XYLT1: variants seen among roughly 807,000 people sequenced by gnomAD.
The protein encoded by XYLT1 is xylosyltransferase 1, also known as beta-D-xylosyltransferase 1.
A neutral mutation model predicts 91.3 loss-of-function variants in XYLT1; 36 were observed. The observed-to-expected ratio is 0.39, with a 90% CI of 0.30 to 0.52. XYLT1 has a LOEUF of 0.52. Among genes scored for constraint, XYLT1 ranks in the 20% least tolerant of loss-of-function variants. XYLT1 has a pLI of 0.68. For synonymous variants in XYLT1, 588 were observed against 532.0 expected, an observed-to-expected ratio of 1.11 and a Z score of -1.45; for missense variants, 1,242 against 1,284.5, an observed-to-expected ratio of 0.97 and a Z score of 0.51.
chr16:17,266,219 C>T (rs2033800974), intron 2 of XYLT1, among the ~76,000 whole-genome samples: 1 of 152,144 alleles, frequency 6.6e-6, no homozygotes, highest in Admixed American at 6.5e-5. Flanking sequence ...TGGGGTTCTT[C>T]AAGCTGGGAC....
At chr16:17,147,461 G>A (rs749547814) in intron 6 of XYLT1, among the ~76,000 whole-genome samples, 4 of 152,188 alleles carry the variant, frequency 2.6e-5, no homozygotes, top group Non-Finnish European at 5.9e-5. Flanking sequence ...CAATTTTAAT[G>A]TGATGTCCCG....
intron 2 of XYLT1, among the ~76,000 whole-genome samples, chr16:17,343,197 G>A (rs991158045): frequency 4.6e-5 from 7 of 152,320 alleles, no homozygotes; most frequent in African/African-American, 1.7e-4. Context: ...GTCAGCCCCT[G>A]AAGCCACAGA....
intron 2 of XYLT1, among the ~76,000 whole-genome samples, chr16:17,337,830 G>C (rs1170156781): frequency 7.1e-6 from 1 of 140,692 alleles, no homozygotes; most frequent in Non-Finnish European, 1.5e-5. Flanking sequence ...ACCCAGGCTG[G>C]AGCGCAGTGA....
intron 6 of XYLT1, among the ~76,000 whole-genome samples, chr16:17,143,081 T>C (rs1025707656): frequency 4.6e-5 from 7 of 152,304 alleles, no homozygotes; most frequent in Admixed American, 4.6e-4. Context: ...TCCTATTTTG[T>C]AGATGCAGAA....
intron 1 of XYLT1, among the ~76,000 whole-genome samples, chr16:17,381,829 T>C (rs7195849): frequency 0.54 from 81,944 of 151,976 alleles, 24,150 homozygotes; most frequent in African/African-American, 0.77. Context: ...CAAGGAAACA[T>C]TACAGAAGGA....
At chr16:17,347,291 T>C (rs2035157230) in intron 2 of XYLT1, among the ~76,000 whole-genome samples, 1 of 152,154 alleles carries the variant, frequency 6.6e-6, no homozygotes, top group South Asian at 2.1e-4. Context: ...CGGAAGGAGC[T>C]GAAGGCCTGT....
chr16:17,134,816 G>A lies in XYLT1; in HGVS notation c.1765-81C>T, dbSNP rs2030649592. The A allele has an allele frequency of 1.1e-5, 17 of 1,541,060 alleles. 1 individual carries two copies. The South Asian group carries it at 2.1e-4, about 19-fold the overall frequency. On this transcript the variant is annotated intron_variant, in intron 8 of 11. Coordinates refer to ENST00000261381, the MANE Select transcript of XYLT1 (RefSeq NM_022166.4). Reference sequence around the variant, plus strand: ...GGGGAACCTAAGGGCATATCCTGTGGTTAGAAGCAAAGCTCTGCTGGACCC... The same window carrying A: ...GGGGAACCTAAGGGCATATCCTGTGATTAGAAGCAAAGCTCTGCTGGACCC...
chr16:17,158,754 A>G, intron 6 of XYLT1, 75 bp downstream of exon 6: 2 of 1,528,262 alleles, frequency 1.3e-6, no homozygotes, highest in Non-Finnish European at 1.8e-6. Flanking sequence ...GCATGAAACC[A>G]GCCTAGAAAA....
intron 6 of XYLT1, among the ~76,000 whole-genome samples, chr16:17,146,888 A>T (rs566323759): frequency 7.9e-4 from 121 of 152,342 alleles, no homozygotes; most frequent in South Asian, 5.2e-3. Context: ...CAGCTGTCCT[A>T]TGTCACGGGT....
chr16:17,305,357 G>T (rs2034454784), intron 2 of XYLT1, among the ~76,000 whole-genome samples: 1 of 151,914 alleles, frequency 6.6e-6, no homozygotes, highest in Non-Finnish European at 1.5e-5. Context: ...TTGTGTGTAT[G>T]TGTGTGCAGC....
At chr16:17,465,936 T>A (rs2036890861) in intron 1 of XYLT1, among the ~76,000 whole-genome samples, 1 of 152,136 alleles carries the variant, frequency 6.6e-6, no homozygotes, top group Admixed American at 6.5e-5. Flanking sequence ...TGCCCAAGAT[T>A]AGGGGCATGA....
intron 2 of XYLT1, among the ~76,000 whole-genome samples, chr16:17,267,468 T>C (rs1402703255): frequency 6.6e-6 from 1 of 152,236 alleles, no homozygotes; most frequent in African/African-American, 2.4e-5. Flanking sequence ...AGTGCAGTGG[T>C]GCGATCACGC....
Position 17,108,267 on chromosome 16 carries a change from A to C in XYLT1, c.*428T>G. On this transcript the variant is annotated 3_prime_UTR_variant, in exon 12 of 12. Transcript: ENST00000261381. ...CCAGAGGGCTGAGCTTTGGGAGGGA[A>C]CCTCGCACTTGTCAGCTTCAACCAG... The C allele has an allele frequency of 6.3e-6, 1 of 158,136 alleles. No individual in the cohort carries two copies. Among genetic ancestry groups the C allele is most frequent in the Non-Finnish European group, 1.4e-5 (1 of 71,944 alleles). 9.8% of individuals were successfully genotyped at this position (158,136 alleles called of 1,614,324 possible).
intron 3 of XYLT1, among the ~76,000 whole-genome samples, chr16:17,233,812 A>C (rs991105862): frequency 7.2e-5 from 11 of 152,162 alleles, no homozygotes; most frequent in Non-Finnish European, 1.5e-4. Context: ...AGGCATTGAC[A>C]TCCTGCCTGG....
In XYLT1 at chr16:17,141,329, A is replaced by T; in HGVS notation, c.1411T>A (p.Cys471Ser). The T allele has an allele frequency of 6.2e-7, 1 of 1,614,008 alleles. No individual in the cohort carries two copies. Among genetic ancestry groups the T allele is most frequent in the Non-Finnish European group, 8.5e-7 (1 of 1,180,020 alleles). ...CCCAGGCGCCACATGTGAGCGTCGC[A>T]CTCCAGGAAGAGCCGATCCAGGCCC... ...KQGLDRLFLE[C>S]DAHMWRLGDR... Residue 471 changes from cysteine (C) to serine (S), a missense_variant, in exon 7 of 12, where the codon TGC becomes AGC. Around this residue, in one of 3 missense-constraint regions of XYLT1, gnomAD observed 294 missense variants for 376.0 expected, o/e 0.78. Transcript: ENST00000261381.
intron 1 of XYLT1, among the ~76,000 whole-genome samples, chr16:17,380,999 G>T (rs1172989695): frequency 6.6e-6 from 1 of 152,198 alleles, no homozygotes; most frequent in African/African-American, 2.4e-5. Flanking sequence ...CAGGGGCTGG[G>T]GGTGAGAGTG....
At chr16:17,432,081 TA>T (rs766077166) in intron 1 of XYLT1, among the ~76,000 whole-genome samples, 90 of 148,816 alleles carry the variant, frequency 6.0e-4, no homozygotes, top group African/African-American at 1.7e-3. Context: ...TATAAGAAGA[TA>T]AAAAAAAAAT....
At chr16:17,174,134 C>CA (rs1184761709) in intron 5 of XYLT1, among the ~76,000 whole-genome samples, 2 of 151,518 alleles carry the variant, frequency 1.3e-5, no homozygotes, top group Non-Finnish European at 2.9e-5. Flanking sequence ...AGAGGGTGGC[C>CA]AAAAAAATAA....
At chr16:17,422,259 T>A (rs12932891) in intron 1 of XYLT1, among the ~76,000 whole-genome samples, 15,985 of 151,348 alleles carry the variant, frequency 0.11, 968 homozygotes, top group Non-Finnish European at 0.15. Flanking sequence ...TGCAGTAACA[T>A]GATCATAGAT....
Sources: allele counts gnomAD v4.1 joint callset (sites outside exome capture counted in the v4.1 genomes callset), GRCh38; gene constraint gnomAD v4.1.1; regional missense constraint gnomAD v4.1.1; transcripts MANE v1.5; gene names NCBI Gene and HGNC (gene_info 2026-07-23, HGNC 2026-07-21).